The following PCP4 variants were observed in gnomAD, a reference collection of about 807,000 sequenced individuals.
PCP4 encodes Purkinje cell protein 4.
In PCP4, 8 loss-of-function variants were observed where a neutral mutation model predicts 10.0. The observed-to-expected ratio is 0.80, with a 90% CI of 0.47 to 1.45. The LOEUF (loss-of-function observed/expected upper bound fraction) is 1.45, where lower values mean the gene tolerates loss of function less well. PCP4 is among the 40% of genes most tolerant of loss of function. The probability of loss-of-function intolerance (pLI) is 0.00; values close to 1 mark genes in which losing one functional copy is unlikely to be tolerated. For synonymous variants in PCP4, 21 were observed against 23.0 expected (o/e 0.91, Z 0.24); for missense variants, 54 against 74.4 (o/e 0.73, Z 1.01).
intron 2 of PCP4, among the ~76,000 whole-genome samples, chr21:39,902,674 A>G (rs2087486902): frequency 6.6e-6 from 1 of 152,142 alleles, no homozygotes; most frequent in African/African-American, 2.4e-5. Context: ...CTAGAACTAG[A>G]TTTTGTGGTA....
At position 39,929,024 on chromosome 21, in the gene PCP4, G is replaced by T; in HGVS notation, c.102G>T (p.Met34Ile). 1 of 1,612,912 alleles carries T rather than the reference G, an allele frequency of 6.2e-7. No individual in the cohort carries two copies. Among genetic ancestry groups the T allele is most frequent in the Non-Finnish European group, 8.5e-7 (1 of 1,179,366 alleles). ...KKVQEEFDID[M>I]DAPETERAAV... ...TTCAAGAAGAATTTGACATTGACAT[G>T]GATGCACCAGAGACAGAACGTGCAG... Residue 34 changes from methionine (M) to isoleucine (I), a missense_variant, in exon 3 of 3, where the codon ATG (methionine) becomes ATT (isoleucine). Transcript: ENST00000328619.
At chr21:39,887,783 A>G (rs966915305) in intron 1 of PCP4, among the ~76,000 whole-genome samples, 3 of 152,188 alleles carry the variant, frequency 2.0e-5, no homozygotes, top group African/African-American at 7.2e-5. Flanking sequence ...ATAACATTAC[A>G]TATAATACCA....
At chr21:39,870,044 G>A (rs1044827430) in intron 1 of PCP4, among the ~76,000 whole-genome samples, 1 of 152,228 alleles carries the variant, frequency 6.6e-6, no homozygotes, top group East Asian at 1.9e-4. Flanking sequence ...GGGCAAGCCT[G>A]CTGGCTGGAG....
At position 39,906,273 on chromosome 21, in the gene PCP4, T is replaced by C. The variant is rs1205206028; in HGVS notation, c.61+7746T>C. Among the ~76,000 whole-genome samples the C allele has an allele frequency of 6.6e-6, 1 of 152,188 alleles. No homozygotes were observed. The highest frequency in any genetic ancestry group is 1.9e-4 in the East Asian group (1 of 5,192). On this transcript the variant is annotated intron_variant, in intron 2 of 2. Coordinates refer to ENST00000328619, the MANE Select transcript of PCP4 (RefSeq NM_006198.3). The surrounding 1 kb of genome is among the most constrained non-coding windows in gnomAD (Gnocchi z 6.3). The stretch of plus-strand genomic sequence containing the variant: ...TCTTGACCAGGGTCTTGTTTGTAAA[T>C]GGGCAACTTGGATGGGCTGTGGTCT...
rs181813511 is a variant in PCP4 at position 39,894,092 on chromosome 21, C to G, written c.10-4384C>G. On this transcript the variant is annotated intron_variant, in intron 1 of 2. Coordinates refer to ENST00000328619, the MANE Select transcript of PCP4 (RefSeq NM_006198.3). ...AGAAGTCATTAGGGTGGGTGTCGGG[C>G]TGGAGATGATCAGGAGAAGAATGAG... is the stretch of plus-strand genomic sequence containing the variant. Among the ~76,000 whole-genome samples the G allele has an allele frequency of 1.4e-4, 21 of 152,144 alleles. 1 individual carries two copies. Among genetic ancestry groups the G allele is most frequent in the Middle Eastern group, 6.8e-3 (2 of 294 alleles).
chr21:39,908,203 AG>A (rs2087522219), intron 2 of PCP4, among the ~76,000 whole-genome samples: 1 of 148,710 alleles, frequency 6.7e-6, no homozygotes, highest in African/African-American at 2.4e-5. Flanking sequence ...TCTAAAGGAA[AG>A]AAAACTGTCA....
chr21:39,920,274 TGTA>T (rs2087590289), intron 2 of PCP4, among the ~76,000 whole-genome samples: 2 of 126,600 alleles, frequency 1.6e-5, no homozygotes, highest in Non-Finnish European at 3.3e-5. Flanking sequence ...GTGTGTGTGG[TGTA>T]GTGTGTGTGG....
chr21:39,891,237 C>T (rs764919432), intron 1 of PCP4, among the ~76,000 whole-genome samples: 21 of 152,240 alleles, frequency 1.4e-4, no homozygotes, highest in Non-Finnish European at 2.9e-4. Context: ...TCATGTGTCA[C>T]TAGGCCCTCT....
At chr21:39,868,695 G>A (rs543759734) in intron 1 of PCP4, among the ~76,000 whole-genome samples, 2 of 152,180 alleles carry the variant, frequency 1.3e-5, no homozygotes, top group Non-Finnish European at 2.9e-5. Context: ...CGTGCAGTGG[G>A]CACCATTATT....
intron 1 of PCP4, among the ~76,000 whole-genome samples, chr21:39,892,872 C>T (rs556745426): frequency 1.5e-4 from 23 of 152,122 alleles, no homozygotes; most frequent in Admixed American, 5.2e-4. Context: ...AGAATGAGAT[C>T]TAGTCATTTG....
rs1261064895 is a variant in PCP4, at chr21:39,906,851, C to T, written c.61+8324C>T. 6.6e-6 allele frequency among the ~76,000 whole-genome samples: 1 copy of T among 152,150 alleles called. No individual in the cohort carries two copies. Among genetic ancestry groups the T allele is most frequent in the Non-Finnish European group, 1.5e-5 (1 of 68,038 alleles). The stretch of plus-strand genomic sequence containing the variant: ...ATCCCTCTAGCCTTTGGAAACCTGC[C>T]CCAAGCAGGAGATATTCCAGGTTTC... On this transcript the variant is annotated intron_variant, in intron 2 of 2. Transcript: ENST00000328619. This position sits in a 1 kb window ranked among gnomAD's most constrained non-coding sequence, Gnocchi z 6.3.
intron 2 of PCP4, among the ~76,000 whole-genome samples, chr21:39,910,279 G>A (rs1164931005): frequency 6.6e-6 from 1 of 152,162 alleles, no homozygotes; most frequent in Non-Finnish European, 1.5e-5. Flanking sequence ...AAGTGCAACA[G>A]ACCTGGCCTG....
At chr21:39,882,723 C>T (rs746145665) in intron 1 of PCP4, among the ~76,000 whole-genome samples, 7 of 152,176 alleles carry the variant, frequency 4.6e-5, no homozygotes, top group Non-Finnish European at 1.0e-4. Context: ...TTCCCCTAAT[C>T]GTCTGTGTAA....
intron 1 of PCP4, among the ~76,000 whole-genome samples, chr21:39,874,980 C>T (rs780302892): frequency 1.4e-4 from 21 of 152,274 alleles, no homozygotes; most frequent in East Asian, 1.9e-4. Context: ...GGTTTCATAA[C>T]GCTACTCAGT....
intron 1 of PCP4, among the ~76,000 whole-genome samples, chr21:39,879,072 G>T (rs11911033): frequency 1.1e-4 from 16 of 150,712 alleles, no homozygotes; most frequent in African/African-American, 1.7e-4. Context: ...TCACTGCAAA[G>T]TCCACCTCCT....
chr21:39,869,773 C>T (rs1005808254), intron 1 of PCP4, among the ~76,000 whole-genome samples: 5 of 152,222 alleles, frequency 3.3e-5, no homozygotes, highest in African/African-American at 1.2e-4. Context: ...TTCATGGCAC[C>T]CCTCAAGGGG....
intron 1 of PCP4, among the ~76,000 whole-genome samples, chr21:39,896,773 G>C (rs1273669963): frequency 1.3e-5 from 2 of 152,156 alleles, no homozygotes; most frequent in African/African-American, 4.8e-5. Flanking sequence ...TTAATTAAGG[G>C]TTGACAAATG....
intron 1 of PCP4, among the ~76,000 whole-genome samples, chr21:39,889,204 C>T (rs535956039): frequency 1.3e-4 from 20 of 152,078 alleles, no homozygotes; most frequent in African/African-American, 3.9e-4. Flanking sequence ...AAAGCTCTTA[C>T]GAATATTTGG....
chr21:39,887,866 C>T (rs1392517303), intron 1 of PCP4, among the ~76,000 whole-genome samples: 1 of 152,150 alleles, frequency 6.6e-6, no homozygotes, highest in Non-Finnish European at 1.5e-5. Flanking sequence ...CTTAGAAGGG[C>T]TTACTGGGGT....
Sources: allele counts gnomAD v4.1 joint callset (sites outside exome capture counted in the v4.1 genomes callset), GRCh38; gene constraint gnomAD v4.1.1; non-coding constraint Gnocchi (gnomAD v3.1); transcripts MANE v1.5; gene names NCBI Gene and HGNC (gene_info 2026-07-23, HGNC 2026-07-21).